Variants in ELMO1 observed in about 807,000 individuals in gnomAD.
The protein encoded by ELMO1 is engulfment and cell motility 1.
A neutral mutation model predicts 98.9 loss-of-function variants in ELMO1; 26 were observed. That is an observed-to-expected ratio of 0.26 (90% CI 0.19 to 0.36). The LOEUF (loss-of-function observed/expected upper bound fraction) is 0.36, where lower values mean the gene tolerates loss of function less well. Ranked by LOEUF, ELMO1 falls within the 10% of genes least tolerant of loss-of-function variation. The pLI is 1.00. For missense variants in ELMO1, 627 were observed against 935.2 expected (o/e 0.67, Z 4.30); for synonymous variants, 346 against 346.0 (o/e 1.00, Z 0.00).
At chr7:37,207,187 T>C (rs1792680242) in intron 13 of ELMO1, among the ~76,000 whole-genome samples, 1 of 152,204 alleles carries the variant, frequency 6.6e-6, no homozygotes. Context: ...AAAGTCATCC[T>C]AGAGGTGAGA....
intron 16 of ELMO1, among the ~76,000 whole-genome samples, chr7:36,970,896 A>G (rs908867697): frequency 1.3e-5 from 2 of 152,202 alleles, no homozygotes; most frequent in South Asian, 4.1e-4. Context: ...GGCTGCTCAC[A>G]TGAGGGAGAC....
At position 37,447,366 on chromosome 7, in the gene ELMO1, C is replaced by A. The variant is rs538941768; in HGVS notation, c.-74+1309G>T. On this transcript the variant is annotated intron_variant, in intron 1 of 21. Transcript: ENST00000310758. ...AAATCTTAACCATAACGAATTAGGCCCGAATCATTCAAGGCCAGCGGTGTT... is the reference window on the plus strand; with the variant it reads ...AAATCTTAACCATAACGAATTAGGCACGAATCATTCAAGGCCAGCGGTGTT... 9.2e-5 allele frequency among the ~76,000 whole-genome samples: 14 copies of A among 152,194 alleles called. No homozygotes were observed. In the South Asian group the frequency reaches 2.5e-3, roughly 27 times the overall value.
rs529450906 is a variant in ELMO1, at chr7:37,015,334, C to T, written c.1301-1899G>A. On this transcript the variant is annotated intron_variant, in intron 15 of 21. Transcript: ENST00000310758. ...AAATGGAGGGCTGGGCACAGTGGCTCACACTTGTAATCCCAGCACTTTGGG... is the reference window on the plus strand; with the variant it reads ...AAATGGAGGGCTGGGCACAGTGGCTTACACTTGTAATCCCAGCACTTTGGG... Among the ~76,000 whole-genome samples the T allele has an allele frequency of 2.6e-5, 4 of 152,260 alleles. No individual in the cohort carries two copies. In the South Asian group the frequency reaches 6.2e-4, roughly 24 times the overall value.
intron 16 of ELMO1, among the ~76,000 whole-genome samples, chr7:36,911,917 A>G (rs1047749360): frequency 2.6e-5 from 4 of 152,188 alleles, no homozygotes; most frequent in African/African-American, 9.7e-5. Context: ...TGCCAAACTA[A>G]GCAGGCTCCA....
At chr7:37,385,657 A>G (rs1358705458) in intron 1 of ELMO1, among the ~76,000 whole-genome samples, 1 of 152,232 alleles carries the variant, frequency 6.6e-6, no homozygotes, top group Non-Finnish European at 1.5e-5. Context: ...AAGCATGAGT[A>G]TTTGGTTTCC....
In ELMO1 at chr7:37,073,036, T is replaced by C. The variant is rs976223157; in HGVS notation, c.1300+23583A>G. ...TAGGCAACATCTATCTAAGTAACTA[T>C]ACATACATGCCCACTGACTAGCAAT... On this transcript the variant is annotated intron_variant, in intron 15 of 21. Transcript: ENST00000310758. Among the ~76,000 whole-genome samples, 3 of 152,362 alleles carry C rather than the reference T, an allele frequency of 2.0e-5. No individual in the cohort carries two copies. The East Asian group carries it at 5.8e-4, about 29-fold the overall frequency.
At chr7:36,912,505 A>C (rs1784410161) in intron 16 of ELMO1, among the ~76,000 whole-genome samples, 1 of 152,230 alleles carries the variant, frequency 6.6e-6, no homozygotes, top group Non-Finnish European at 1.5e-5. Context: ...AAACGGATTT[A>C]TTTTTGAAAT....
intron 16 of ELMO1, among the ~76,000 whole-genome samples, chr7:37,003,793 C>T (rs1792853778): frequency 6.6e-6 from 1 of 152,176 alleles, no homozygotes; most frequent in South Asian, 2.1e-4. Context: ...TTAGGATCTC[C>T]TAACTTCTTC....
intron 5 of ELMO1, 93 bp from the exon 6 acceptor site, chr7:37,259,443 G>T: frequency 7.0e-7 from 1 of 1,431,094 alleles, no homozygotes; most frequent in Non-Finnish European, 9.6e-7. Context: ...AGATACAAAA[G>T]CCAAAAGCGC....
chr7:37,209,968 C>T (rs1356533678), intron 13 of ELMO1, among the ~76,000 whole-genome samples: 1 of 152,148 alleles, frequency 6.6e-6, no homozygotes, highest in Non-Finnish European at 1.5e-5. Flanking sequence ...GCTGAATATG[C>T]AGTAAGTATT....
intron 4 of ELMO1, among the ~76,000 whole-genome samples, chr7:37,309,954 T>C (rs935235717): frequency 2.6e-5 from 4 of 152,154 alleles, no homozygotes; most frequent in Non-Finnish European, 4.4e-5. Context: ...TTCTGCAAAA[T>C]AGTGGAATCA....
chr7:37,388,035 TGTTGC>T (rs1002548699), intron 1 of ELMO1, among the ~76,000 whole-genome samples: 13 of 152,098 alleles, frequency 8.5e-5, no homozygotes, highest in African/African-American at 2.9e-4. Context: ...GATCTCCCTA[TGTTGC>T]CTGCCCAAGC....
At chr7:37,314,969 T>G in intron 3 of ELMO1, 47 bp from the exon 4 acceptor site, 52 of 1,508,576 alleles carry the variant, frequency 3.4e-5, no homozygotes, top group Non-Finnish European at 4.3e-5. Context: ...AAGTGGCCAT[T>G]TTCATTTTTA....
chr7:37,218,497 A>T (rs1793419937), intron 10 of ELMO1, among the ~76,000 whole-genome samples: 1 of 152,222 alleles, frequency 6.6e-6, no homozygotes, highest in African/African-American at 2.4e-5. Context: ...TCAAAGAGAA[A>T]ATAGAAATAT....
intron 13 of ELMO1, 118 bp downstream of exon 13, chr7:37,211,268 G>A: frequency 1.4e-6 from 2 of 1,430,050 alleles, no homozygotes; most frequent in Non-Finnish European, 1.9e-6. Context: ...CTGGAAATGT[G>A]GAAACTATTC....
intron 15 of ELMO1, among the ~76,000 whole-genome samples, chr7:37,048,238 T>C (rs150393342): frequency 1.3e-5 from 2 of 152,262 alleles, no homozygotes; most frequent in East Asian, 3.9e-4. Context: ...ACCAAAAGTG[T>C]CTCCAGACAC....
intron 6 of ELMO1, among the ~76,000 whole-genome samples, chr7:37,249,622 T>TA (rs1459106439): frequency 2.6e-5 from 4 of 152,220 alleles, no homozygotes; most frequent in Non-Finnish European, 5.9e-5. Flanking sequence ...GACATACTCC[T>TA]ACAAGAATGG....
chr7:37,065,186 C>CT (rs773914136), intron 15 of ELMO1, among the ~76,000 whole-genome samples: 4,803 of 146,516 alleles, frequency 0.033, 127 homozygotes, highest in African/African-American at 0.067. Context: ...TACCCCCACC[C>CT]TTTTTTTTTT....
At chr7:37,198,947 T>G (rs1202753140) in intron 13 of ELMO1, among the ~76,000 whole-genome samples, 1 of 152,212 alleles carries the variant, frequency 6.6e-6, no homozygotes, top group African/African-American at 2.4e-5. Flanking sequence ...GAGTCCCCAC[T>G]AAGTCCTCCA....
Sources: gnomAD v4.1 joint callset for allele counts (sites outside exome capture counted in the v4.1 genomes callset) on GRCh38, gnomAD v4.1.1 for gene constraint, MANE v1.5 for transcripts, NCBI Gene and HGNC (gene_info 2026-07-23, HGNC 2026-07-21) for gene names.